SEPTIN10: variants seen among roughly 807,000 people sequenced by gnomAD.
The protein encoded by SEPTIN10 is septin 10, also known as septin-10.
In SEPTIN10, 66 loss-of-function variants were observed where a neutral mutation model predicts 54.8. The ratio of observed to expected loss-of-function variants is 1.21; its 90% CI spans 0.99 to 1.48. The LOEUF is 1.48. SEPTIN10 is among the 40% of genes most tolerant of loss of function. SEPTIN10 has a pLI of 0.00. For synonymous variants in SEPTIN10, 161 were observed against 181.0 expected, an observed-to-expected ratio of 0.89 and a Z score of 0.89; for missense variants, 620 against 545.6, an observed-to-expected ratio of 1.14 and a Z score of -1.36.
intron 1 of SEPTIN10, among the ~76,000 whole-genome samples, chr2:109,593,409 CT>C (rs766138431): frequency 8.7e-4 from 116 of 133,686 alleles, no homozygotes; most frequent in South Asian, 1.4e-3. Context: ...AGAGAAAGAA[CT>C]TTTTTTTTTT....
intron 2 of SEPTIN10, among the ~76,000 whole-genome samples, chr2:109,591,726 C>G (rs764320574): frequency 6.6e-6 from 1 of 151,864 alleles, no homozygotes; most frequent in African/African-American, 2.4e-5. Context: ...AGCAAAACCC[C>G]GTCTCTAGTA....
In SEPTIN10 at chr2:109,586,125, T is replaced by C. The variant is rs184481789; in HGVS notation, c.100-287A>G. Reference sequence around the variant, plus strand: ...TAGGAAAATATCCAACTATGGCATATTCACTTACAAAATAAAAAGTTAAAG... The same window carrying C: ...TAGGAAAATATCCAACTATGGCATACTCACTTACAAAATAAAAAGTTAAAG... On this transcript the variant is annotated intron_variant, in intron 2 of 10. Transcript: ENST00000397712. Among the ~76,000 whole-genome samples, 152 of 152,322 alleles carry C rather than the reference T, an allele frequency of 1.0e-3. 1 individual carries two copies. The highest frequency in any genetic ancestry group is 6.3e-4 in the Non-Finnish European group (43 of 68,028).
Position 109,564,473 on chromosome 2 carries a change from C to T in SEPTIN10, c.921G>A (p.Met307Ile), listed in dbSNP as rs373404656. Residue 307 changes from methionine to isoleucine, a missense_variant, in exon 8 of 11, where the codon ATG (methionine) becomes ATA (isoleucine). Transcript: ENST00000397712. ...TATGGGTCTGCTCTCGCAGGTCCTC[C>T]ATATTTGTACAAATGAGCATTTCCC... is the stretch of plus-strand genomic sequence containing the variant. Reference protein sequence around the residue: ...KLREMLICTNMEDLREQTHTR... With the variant: ...KLREMLICTNIEDLREQTHTR... 2 of 1,584,978 alleles carry T rather than the reference C, an allele frequency of 1.3e-6. No individual in the cohort carries two copies. The highest frequency in any genetic ancestry group is 1.3e-5 in the African/African-American group (1 of 74,504).
intron 1 of SEPTIN10, among the ~76,000 whole-genome samples, chr2:109,597,966 G>A (rs1314044713): frequency 6.6e-6 from 1 of 152,152 alleles, no homozygotes; most frequent in Non-Finnish European, 1.5e-5. Context: ...TCCTTACCCT[G>A]CTGGGAAACA....
chr2:109,552,174 C>G (rs569793262), intron 9 of SEPTIN10, among the ~76,000 whole-genome samples: 2 of 152,306 alleles, frequency 1.3e-5, no homozygotes, highest in East Asian at 1.9e-4. Context: ...TGAGCTGGAA[C>G]AGTTTCATCC....
At chr2:109,575,563 A>T (rs551200028) in intron 4 of SEPTIN10, among the ~76,000 whole-genome samples, 1 of 152,378 alleles carries the variant, frequency 6.6e-6, no homozygotes, top group South Asian at 2.1e-4. Context: ...GTGCATGTGC[A>T]GAGCAGTGTG....
intron 4 of SEPTIN10, among the ~76,000 whole-genome samples, chr2:109,583,110 G>A (rs1691606574): frequency 6.6e-6 from 1 of 152,128 alleles, no homozygotes; most frequent in Non-Finnish European, 1.5e-5. Context: ...GCTGCACATT[G>A]GCCTTGGAAA....
chr2:109,569,584 T>C (rs976476598), intron 5 of SEPTIN10, among the ~76,000 whole-genome samples: 3 of 152,148 alleles, frequency 2.0e-5, no homozygotes, highest in African/African-American at 4.8e-5. Flanking sequence ...GTCTATGAAA[T>C]TGATGGCAGA....
At chr2:109,555,470 C>T (rs1006530249) in intron 8 of SEPTIN10, among the ~76,000 whole-genome samples, 4 of 152,178 alleles carry the variant, frequency 2.6e-5, no homozygotes, top group African/African-American at 9.7e-5. Flanking sequence ...CCCCCACTCT[C>T]CCCTGTTGCA....
chr2:109,592,267 C>G (rs1389366937), intron 2 of SEPTIN10, among the ~76,000 whole-genome samples: 2 of 151,702 alleles, frequency 1.3e-5, no homozygotes, highest in East Asian at 3.9e-4. Flanking sequence ...GAGTTCGAGA[C>G]CAGCCTGGGC....
intron 1 of SEPTIN10, among the ~76,000 whole-genome samples, chr2:109,610,998 A>G (rs1699140231): frequency 6.6e-6 from 1 of 152,192 alleles, no homozygotes; most frequent in South Asian, 2.1e-4. Flanking sequence ...ACTGCGTGCT[A>G]ACGGAGAACC....
Position 109,613,815 on chromosome 2 carries a change from C to G in SEPTIN10, c.13G>C (p.Glu5Gln). The G allele has an allele frequency of 8.1e-7, 1 of 1,235,110 alleles. No individual in the cohort carries two copies. The highest frequency in any genetic ancestry group is 3.9e-5 in the South Asian group (1 of 25,562). The allele number at this position is 1,235,110 out of a possible 1,614,324, so 76.5% of individuals were successfully genotyped here. A position where few individuals can be genotyped will look rare whatever the true frequency, so the allele number is the denominator to read the frequency against. The stretch of plus-strand genomic sequence containing the variant: ...GGACTCACCAGGTGCCGCGCCACCT[C>G]GGAGGAGGCCATGGTCGCGGGCAGG... The part of the protein sequence containing the change: MASS[E>Q]VARHLLFQSH... The change falls in exon 1 of 11, where the codon GAG (glutamate) becomes CAG (glutamine). Residue 5 changes from glutamate (E) to glutamine (Q), a missense_variant. By Grantham distance (29) the Glu-to-Gln change is conservative. Transcript: ENST00000397712.
intron 1 of SEPTIN10, among the ~76,000 whole-genome samples, chr2:109,607,764 C>T (rs28709854): frequency 1.3e-5 from 2 of 152,098 alleles, no homozygotes; most frequent in Non-Finnish European, 2.9e-5. Flanking sequence ...CCAACCTGCC[C>T]TAAATCAAAA....
intron 8 of SEPTIN10, among the ~76,000 whole-genome samples, chr2:109,560,379 C>T (rs955444171): frequency 7.9e-5 from 12 of 152,156 alleles, no homozygotes; most frequent in African/African-American, 2.7e-4. Flanking sequence ...AGTTCCAAGA[C>T]GTGACACTGC....
chr2:109,596,937 A>T (rs996608207), intron 1 of SEPTIN10, among the ~76,000 whole-genome samples: 3 of 152,190 alleles, frequency 2.0e-5, no homozygotes, highest in Non-Finnish European at 2.9e-5. Flanking sequence ...TAATTTTTTT[A>T]AAATTTATTA....
In SEPTIN10 at chr2:109,567,850, C is replaced by T. The variant is rs1284451013; in HGVS notation, c.727G>A (p.Asp243Asn). ...GCGTTGACCTTAGCAATAGTGTCAT[C>T]ATCCGTTGGGAACTGGTATATCTGG... ...GVQIYQFPTD[D>N]DTIAKVNAAM... Residue 243 changes from aspartate to asparagine, a missense_variant, in exon 6 of 11, where the codon GAT (aspartate) becomes AAT (asparagine). Transcript: ENST00000397712. 2 of 1,611,854 alleles carry T rather than the reference C, an allele frequency of 1.2e-6. No homozygotes were observed. The highest frequency in any genetic ancestry group is 3.4e-5 in the Admixed American group (2 of 59,536).
intron 5 of SEPTIN10, among the ~76,000 whole-genome samples, chr2:109,571,258 T>C (rs1688313515): frequency 6.6e-6 from 1 of 152,216 alleles, no homozygotes; most frequent in East Asian, 1.9e-4. Context: ...CAGTCTCAGA[T>C]AGTTCTTTAT....
At position 109,564,506 on chromosome 2, in the gene SEPTIN10, T is replaced by C. The variant is rs1299361894; in HGVS notation, c.888A>G (p.Val296=). The C allele has an allele frequency of 2.6e-6, 4 of 1,551,586 alleles. No individual in the cohort carries two copies. The highest frequency in any genetic ancestry group is 2.7e-5 in the African/African-American group (2 of 73,718). The change falls in exon 8 of 11, where the codon GTA becomes GTG. Residue 296 remains valine (V), a synonymous_variant. Coordinates refer to ENST00000397712, the MANE Select transcript of SEPTIN10 (RefSeq NM_144710.5). ...TACAAATGAGCATTTCCCGCAGCTTTACAAAGTCACAGTGGTTTTCATTTT... is the reference window on the plus strand; with the variant it reads ...TACAAATGAGCATTTCCCGCAGCTTCACAAAGTCACAGTGGTTTTCATTTT... ...QVENENHCDF[V]KLREMLICTN...
chr2:109,550,671 C>G (rs1490735057), intron 9 of SEPTIN10, among the ~76,000 whole-genome samples: 2 of 152,180 alleles, frequency 1.3e-5, no homozygotes, highest in Admixed American at 6.5e-5. Flanking sequence ...GCTGAGCTAG[C>G]AGATGACTTC....
Sources: allele counts gnomAD v4.1 joint callset (sites outside exome capture counted in the v4.1 genomes callset), GRCh38; gene constraint gnomAD v4.1.1; transcripts MANE v1.5; gene names NCBI Gene and HGNC (gene_info 2026-07-23, HGNC 2026-07-21).